SYTL2: variants seen among roughly 807,000 people sequenced by gnomAD.
SYTL2 encodes synaptotagmin like 2, also known as synaptotagmin-like protein 2.
Under a neutral mutation model 198.7 loss-of-function variants are expected in SYTL2, and 165 were observed. The observed-to-expected ratio is 0.83, with a 90% CI of 0.73 to 0.94. SYTL2 has a LOEUF of 0.94. Among genes scored for constraint, SYTL2 ranks in the 40% least tolerant of loss-of-function variants. SYTL2 has a pLI of 0.00. For missense variants in SYTL2, 2,835 were observed against 2,582.8 expected (o/e 1.10, Z -2.12); for synonymous variants, 966 against 917.7 (o/e 1.05, Z -0.95).
At position 85,734,538 on chromosome 11, in the gene SYTL2, A is replaced by G. The variant is rs2090148552; in HGVS notation, c.791T>C (p.Leu264Pro). Residue 264 changes from leucine to proline, a missense_variant, in exon 7 of 20, where the codon CTG (leucine) becomes CCG (proline). Coordinates refer to ENST00000359152, the MANE Select transcript of SYTL2 (RefSeq NM_206927.4). The part of the protein sequence containing the change: ...QSFPRQRTDS[L>P]KARGAPRGIL... The stretch of plus-strand genomic sequence containing the variant: ...CCCTCTCGGAGCCCCTCTCGCTTTC[A>G]GGGAGTCTGTCCTTTGTCTAGGAAA... 1 of 1,614,098 alleles carries G rather than the reference A, an allele frequency of 6.2e-7. No individual in the cohort carries two copies. Among genetic ancestry groups the G allele is most frequent in the Admixed American group, 1.7e-5 (1 of 60,012 alleles).
At chr11:85,833,142 GGAAGGAAGGAAGGAAA>G in the SYTL2 span, among the ~76,000 whole-genome samples, 70 of 89,016 alleles carry the variant, frequency 7.9e-4, 3 homozygotes, top group South Asian at 2.9e-3. Flanking sequence ...AAGGAAGGAA[GGAAGGAAGGAAGGAAA>G]GAAAGAAAGA....
At chr11:85,817,460 T>G in the SYTL2 span, among the ~76,000 whole-genome samples, 1 of 152,258 alleles carries the variant, frequency 6.6e-6, no homozygotes, top group Non-Finnish European at 1.5e-5. Flanking sequence ...GTTGAAATGA[T>G]ATTTTGAATA....
At chr11:85,834,254 A>G in the SYTL2 span, among the ~76,000 whole-genome samples, 4 of 152,214 alleles carry the variant, frequency 2.6e-5, no homozygotes, top group Non-Finnish European at 4.4e-5. Context: ...GTATATATGT[A>G]GCTAGATAAA....
At chr11:85,714,291 C>A in intron 12 of SYTL2, 122 bp downstream of exon 12, 1 of 740,080 alleles carries the variant, frequency 1.4e-6, no homozygotes, top group South Asian at 1.8e-5. Context: ...ACTTGAAAGG[C>A]AAGGGCCAGT....
intron 1 of SYTL2, among the ~76,000 whole-genome samples, chr11:85,802,396 G>C (rs1415336710): frequency 6.6e-6 from 1 of 151,830 alleles, no homozygotes; most frequent in East Asian, 1.9e-4. Context: ...CTCCCAAAGT[G>C]CTAGGATTAC....
chr11:85,704,753 C>A, intron 16 of SYTL2, 105 bp downstream of exon 16: 1 of 849,786 alleles, frequency 1.2e-6, no homozygotes, highest in Non-Finnish European at 1.7e-6. Flanking sequence ...AAAATTCTCC[C>A]AAACTACAGA....
chr11:85,820,797 T>C, the SYTL2 span, among the ~76,000 whole-genome samples: 1 of 152,212 alleles, frequency 6.6e-6, no homozygotes, highest in Admixed American at 6.5e-5. Flanking sequence ...TATACATACG[T>C]AAAAAGACTT....
the SYTL2 span, among the ~76,000 whole-genome samples, chr11:85,829,374 A>G: frequency 1.3e-5 from 2 of 152,104 alleles, no homozygotes; most frequent in Admixed American, 1.3e-4. Context: ...GCTGCAAAGG[A>G]CATGATTTTG....
chr11:85,718,634 C>T (rs370578166), intron 10 of SYTL2, 156 bp downstream of exon 10: 1 of 646,796 alleles, frequency 1.5e-6, no homozygotes. Context: ...ATTAAATGTA[C>T]CAAATCAGAA....
chr11:85,846,837 G>A, the SYTL2 span, among the ~76,000 whole-genome samples: 1 of 149,086 alleles, frequency 6.7e-6, no homozygotes, highest in Non-Finnish European at 1.5e-5. Context: ...GGGTTCAAGC[G>A]ATTCTCCTAC....
At chr11:85,804,804 G>T (rs1290027976) in intron 1 of SYTL2, among the ~76,000 whole-genome samples, 1 of 152,142 alleles carries the variant, frequency 6.6e-6, no homozygotes, top group Non-Finnish European at 1.5e-5. Flanking sequence ...ACCTCTAGGT[G>T]CCATAACAGC....
intron 18 of SYTL2, among the ~76,000 whole-genome samples, chr11:85,697,725 T>C (rs567817884): frequency 6.6e-6 from 1 of 152,312 alleles, no homozygotes; most frequent in Admixed American, 6.5e-5. Context: ...CACCAACAGA[T>C]GTTTTCCCTA....
At chr11:85,846,344 T>A in the SYTL2 span, among the ~76,000 whole-genome samples, 6 of 152,232 alleles carry the variant, frequency 3.9e-5, no homozygotes, top group South Asian at 1.0e-3. Flanking sequence ...ACCACCAGAT[T>A]CAAGGAGAGG....
the SYTL2 span, among the ~76,000 whole-genome samples, chr11:85,836,895 C>A: frequency 6.6e-6 from 1 of 152,094 alleles, no homozygotes; most frequent in Non-Finnish European, 1.5e-5. Flanking sequence ...AATTTAGATA[C>A]ATAGACATAT....
intron 14 of SYTL2, among the ~76,000 whole-genome samples, 160 bp downstream of exon 14, chr11:85,709,171 A>G (rs1035192806): frequency 1.3e-5 from 2 of 152,108 alleles, no homozygotes; most frequent in African/African-American, 4.8e-5. Context: ...AATGTTTGAC[A>G]TATGAATTTA....
At chr11:85,832,443 A>C in the SYTL2 span, among the ~76,000 whole-genome samples, 1 of 152,212 alleles carries the variant, frequency 6.6e-6, no homozygotes, top group Non-Finnish European at 1.5e-5. Flanking sequence ...CCTACGTTAG[A>C]TGTTAGACAT....
At chr11:85,792,512 C>T (rs2092744456) in intron 1 of SYTL2, among the ~76,000 whole-genome samples, 2 of 151,970 alleles carry the variant, frequency 1.3e-5, no homozygotes, top group African/African-American at 2.4e-5. Context: ...CAAACAAGCA[C>T]TCCTTGGAAA....
chr11:85,845,696 C>T, the SYTL2 span, among the ~76,000 whole-genome samples: 3 of 152,168 alleles, frequency 2.0e-5, no homozygotes, highest in Admixed American at 1.3e-4. Context: ...ATCACGAGGT[C>T]AGGAGATCGA....
At chr11:85,718,620 C>A in intron 10 of SYTL2, 170 bp downstream of exon 10, 1 of 622,788 alleles carries the variant, frequency 1.6e-6, no homozygotes, top group Non-Finnish European at 2.8e-6. Flanking sequence ...AGAATACAAA[C>A]TATATTAAAT....
Sources: allele counts gnomAD v4.1 joint callset (sites outside exome capture counted in the v4.1 genomes callset), GRCh38; gene constraint gnomAD v4.1.1; transcripts MANE v1.5; gene names NCBI Gene and HGNC (gene_info 2026-07-23, HGNC 2026-07-21).